The following PYGB variants were observed in gnomAD, a reference collection of about 807,000 sequenced individuals.
PYGB encodes glycogen phosphorylase B, also known as glycogen phosphorylase, brain form.
PYGB carries 82 observed loss-of-function variants against 94.3 expected under a neutral mutation model. The observed-to-expected ratio is 0.87, with a 90% CI of 0.73 to 1.04. PYGB has a LOEUF of 1.04. PYGB is among the 50% of genes least tolerant of loss of function. The pLI, the probability that PYGB is intolerant of heterozygous loss-of-function variation, is 0.00. For synonymous variants in PYGB, 488 were observed against 479.1 expected, an observed-to-expected ratio of 1.02 and a Z score of -0.24; for missense variants, 1,132 against 1,158.2, an observed-to-expected ratio of 0.98 and a Z score of 0.33.
At chr20:25,271,583 C>CTG in intron 4 of PYGB, 97 bp downstream of exon 4, 5 of 1,332,400 alleles carry the variant, frequency 3.8e-6, no homozygotes, top group Non-Finnish European at 5.4e-6. Context: ...CCCACGCCCC[C>CTG]GCCAGGGGAC....
chr20:25,286,361 G>C (rs57822703), intron 14 of PYGB, among the ~76,000 whole-genome samples: 1 of 152,026 alleles, frequency 6.6e-6, no homozygotes, highest in African/African-American at 2.4e-5. Flanking sequence ...AGTCTCTGCC[G>C]GCTGCACTCT....
chr20:25,292,849 C>T (rs1360028084), intron 17 of PYGB, among the ~76,000 whole-genome samples: 1 of 152,090 alleles, frequency 6.6e-6, no homozygotes, highest in Non-Finnish European at 1.5e-5. Flanking sequence ...CCTGTCTCGG[C>T]TCTGAGGCTG....
chr20:25,290,450 T>G (rs2257432), intron 15 of PYGB, 31 bp from the exon 16 acceptor site: 2 of 1,591,570 alleles, frequency 1.3e-6, no homozygotes, highest in Non-Finnish European at 1.7e-6. Context: ...AAGGCATTTT[T>G]GTGCTAAAAA....
chr20:25,259,397 T>C (rs1417412691), intron 2 of PYGB, 59 bp downstream of exon 2: 1 of 1,372,464 alleles, frequency 7.3e-7, no homozygotes, highest in Non-Finnish European at 1.0e-6. Flanking sequence ...GAGGTCTGAA[T>C]CCATTTTCCC....
At chr20:25,276,617 C>A (rs2088313632) in intron 5 of PYGB, 29 bp from the exon 6 acceptor site, 2 of 1,595,968 alleles carry the variant, frequency 1.3e-6, no homozygotes, top group South Asian at 1.1e-5. Flanking sequence ...CCTTGCCACT[C>A]CGTCCTGAGC....
intron 2 of PYGB, among the ~76,000 whole-genome samples, chr20:25,259,970 C>A (rs2092910028): frequency 6.6e-6 from 1 of 152,128 alleles, no homozygotes; most frequent in African/African-American, 2.4e-5. Context: ...ATGGTGGGGC[C>A]CCTCCACCTC....
At chr20:25,277,356 A>G in intron 7 of PYGB, 30 bp downstream of exon 7, 2 of 1,524,266 alleles carry the variant, frequency 1.3e-6, no homozygotes, top group Non-Finnish European at 1.8e-6. Context: ...ACTCTTGCTC[A>G]GGCCGTATCG....
intron 2 of PYGB, among the ~76,000 whole-genome samples, chr20:25,268,563 C>A (rs1403493153): frequency 6.6e-6 from 1 of 151,900 alleles, no homozygotes; most frequent in Non-Finnish European, 1.5e-5. Flanking sequence ...CTTCTGAGAC[C>A]AAAAAGTTTA....
At chr20:25,254,116 C>G (rs763275615) in intron 1 of PYGB, among the ~76,000 whole-genome samples, 3 of 151,756 alleles carry the variant, frequency 2.0e-5, no homozygotes, top group Non-Finnish European at 4.4e-5. Flanking sequence ...TGCCCCTTCA[C>G]CCCCAAAAAC....
intron 18 of PYGB, among the ~76,000 whole-genome samples, 170 bp downstream of exon 18, chr20:25,294,462 G>A (rs1380664082): frequency 6.6e-6 from 1 of 152,230 alleles, no homozygotes; most frequent in South Asian, 2.1e-4. Flanking sequence ...CCCCAGCTGG[G>A]AGTTTGCGAT....
At chr20:25,288,380 C>G in intron 14 of PYGB, 45 bp from the exon 15 acceptor site, 1 of 1,611,762 alleles carries the variant, frequency 6.2e-7, no homozygotes, top group Non-Finnish European at 8.5e-7. Flanking sequence ...AGGGGCTCGT[C>G]CGGCTCGCGG....
intron 1 of PYGB, 140 bp downstream of exon 1, chr20:25,248,561 CT>C: frequency 8.9e-7 from 1 of 1,129,184 alleles, no homozygotes; most frequent in Non-Finnish European, 1.1e-6. Flanking sequence ...GCACAGCCGA[CT>C]GGGGAGTCGC....
At position 25,276,730 on chromosome 20, in the gene PYGB, G is replaced by T. The variant is rs201237211; in HGVS notation, c.745G>T (p.Ala249Ser). 1.1e-5 allele frequency: 17 copies of T among 1,613,874 alleles called. No individual in the cohort carries two copies. Among genetic ancestry groups the T allele is most frequent in the East Asian group, 2.2e-5 (1 of 44,894 alleles). The stretch of plus-strand genomic sequence containing the variant: ...CACCATGCGGCTGTGGTCCGCCAAG[G>T]CTCCCAACGACTTCAAGCTGCAGGA... ...VNTMRLWSAK[A>S]PNDFKLQDFN... The change falls in exon 6 of 20, where the codon GCT (alanine) becomes TCT (serine). Residue 249 changes from alanine (A) to serine (S), a missense_variant. Transcript: ENST00000216962.
chr20:25,284,222 A>C lies in PYGB; in HGVS notation c.1739A>C (p.Asn580Thr). 1 of 1,614,114 alleles carries C rather than the reference A, an allele frequency of 6.2e-7. No homozygotes were observed. The highest frequency in any genetic ancestry group is 8.5e-7 in the Non-Finnish European group (1 of 1,179,986). The change falls in exon 14 of 20, where the codon AAC (asparagine) becomes ACC (threonine). Residue 580 changes from asparagine to threonine, a missense_variant. Asn to Thr is a moderately conservative substitution (Grantham distance 65). Coordinates refer to ENST00000216962, the MANE Select transcript of PYGB (RefSeq NM_002862.4). ...CACGAGTACAAGCGGCAGCTGCTCAACTGCCTGCACGTCGTCACCCTGTAC... is the reference window on the plus strand; with the variant it reads ...CACGAGTACAAGCGGCAGCTGCTCACCTGCCTGCACGTCGTCACCCTGTAC... Reference protein sequence around the residue: ...RIHEYKRQLLNCLHVVTLYNR... With the variant: ...RIHEYKRQLLTCLHVVTLYNR...
At chr20:25,252,032 C>T (rs182907320) in intron 1 of PYGB, among the ~76,000 whole-genome samples, 26 of 152,324 alleles carry the variant, frequency 1.7e-4, no homozygotes, top group African/African-American at 6.3e-4. Flanking sequence ...TACCAGCCTC[C>T]GGAATCCTAA....
intron 1 of PYGB, among the ~76,000 whole-genome samples, chr20:25,258,990 T>C (rs2092907971): frequency 6.6e-6 from 1 of 152,146 alleles, no homozygotes. Flanking sequence ...AAAGTTAGTG[T>C]GTGTTCATCC....
intron 12 of PYGB, among the ~76,000 whole-genome samples, chr20:25,282,747 A>G (rs1457416460): frequency 6.6e-6 from 1 of 152,192 alleles, no homozygotes; most frequent in Non-Finnish European, 1.5e-5. Context: ...GGGCCTGGGT[A>G]CAGTGAGGAG....
intron 18 of PYGB, chr20:25,294,633 G>A (rs2088511404): frequency 1.8e-6 from 1 of 551,756 alleles, no homozygotes; most frequent in Admixed American, 3.0e-5. Flanking sequence ...GGGAGCATGG[G>A]CCCAAAACTC....
Position 25,248,119 on chromosome 20 carries a change from G to C in PYGB, c.-60G>C. The C allele has an allele frequency of 6.6e-7, 1 of 1,511,444 alleles. No individual in the cohort carries two copies. The highest frequency in any genetic ancestry group is 8.8e-7 in the Non-Finnish European group (1 of 1,132,282). The allele number at this position is 1,511,444 out of a possible 1,614,324, so 93.6% of individuals were successfully genotyped here. A position where few individuals can be genotyped will look rare whatever the true frequency, so the allele number is the denominator to read the frequency against. On this transcript the variant is annotated 5_prime_UTR_variant, in exon 1 of 20. Coordinates refer to ENST00000216962, the MANE Select transcript of PYGB (RefSeq NM_002862.4). ...GCGCCAGAGCAGCTGCACCATCCCG[G>C]CGTTCGCGTGTGCCGCCGCTTTCCT... is the stretch of plus-strand genomic sequence containing the variant.
Sources: gnomAD v4.1 joint callset for allele counts (sites outside exome capture counted in the v4.1 genomes callset) on GRCh38, gnomAD v4.1.1 for gene constraint, MANE v1.5 for transcripts, NCBI Gene and HGNC (gene_info 2026-07-23, HGNC 2026-07-21) for gene names.